ADGRL2: variants seen among roughly 807,000 people sequenced by gnomAD.
The protein encoded by ADGRL2 is calcium-independent alpha-latrotoxin receptor 2.
In ADGRL2, 44 loss-of-function variants were observed where a neutral mutation model predicts 157.4. The observed-to-expected ratio is 0.28, with a 90% CI of 0.22 to 0.36. The LOEUF (loss-of-function observed/expected upper bound fraction) is 0.36. Among genes scored for constraint, ADGRL2 ranks in the 10% least tolerant of loss-of-function variants. The pLI, the probability that ADGRL2 is intolerant of heterozygous loss-of-function variation, is 1.00. For missense variants in ADGRL2, 1,510 were observed against 1,768.9 expected, an observed-to-expected ratio of 0.85 and a Z score of 2.63; for synonymous variants, 585 against 624.7, an observed-to-expected ratio of 0.94 and a Z score of 0.95.
At chr1:81,447,138 G>A (rs370201646) in intron 2 of ADGRL2, among the ~76,000 whole-genome samples, 17 of 151,960 alleles carry the variant, frequency 1.1e-4, no homozygotes, top group South Asian at 8.3e-4. Flanking sequence ...ATTGTGAAGC[G>A]CATATATTAA....
At chr1:81,990,240 T>C in intron 23 of ADGRL2, 151 bp from the exon 24 acceptor site, 1 of 1,484,380 alleles carries the variant, frequency 6.7e-7, no homozygotes, top group Non-Finnish European at 8.9e-7. Flanking sequence ...TATTTACAGT[T>C]GGGAATGCAG....
intron 2 of ADGRL2, among the ~76,000 whole-genome samples, chr1:81,521,810 T>C (rs1010733195): frequency 6.6e-6 from 1 of 152,186 alleles, no homozygotes; most frequent in African/African-American, 2.4e-5. Context: ...TCTTCTTTTC[T>C]TTTGGTTGAG....
At chr1:81,949,036 A>C (rs1209466860) in intron 6 of ADGRL2, among the ~76,000 whole-genome samples, 1 of 152,198 alleles carries the variant, frequency 6.6e-6, no homozygotes, top group East Asian at 1.9e-4. Flanking sequence ...AATAAATTCT[A>C]ATATTCTAGC....
chr1:81,796,906 G>A (rs377019323), upstream of ADGRL2, among the ~76,000 whole-genome samples: 12 of 152,294 alleles, frequency 7.9e-5, no homozygotes, highest in African/African-American at 2.6e-4. Flanking sequence ...AGCCTATAGA[G>A]CAGGGAGAAT....
intron 2 of ADGRL2, among the ~76,000 whole-genome samples, chr1:81,457,058 G>A (rs1288168535): frequency 6.6e-6 from 1 of 152,086 alleles, no homozygotes; most frequent in Non-Finnish European, 1.5e-5. Flanking sequence ...ATACCTGAAG[G>A]CATCCCCCAA....
intron 3 of ADGRL2, among the ~76,000 whole-genome samples, chr1:81,596,987 A>C (rs563657367): frequency 6.6e-6 from 1 of 152,316 alleles, no homozygotes; most frequent in Non-Finnish European, 1.5e-5. Context: ...TAACATGATT[A>C]AATTTTTAAA....
intron 2 of ADGRL2, among the ~76,000 whole-genome samples, chr1:81,575,876 T>G (rs1339898074): frequency 1.3e-5 from 2 of 152,044 alleles, no homozygotes; most frequent in African/African-American, 4.8e-5. Context: ...GTAAGGAAAA[T>G]TCCAAATTTA....
intron 2 of ADGRL2, among the ~76,000 whole-genome samples, chr1:81,494,421 T>C (rs948932972): frequency 6.6e-6 from 1 of 152,178 alleles, no homozygotes; most frequent in African/African-American, 2.4e-5. Context: ...CAAATGCCCA[T>C]GCTAAAGCAA....
chr1:81,845,024 A>T (rs1334035508), intron 2 of ADGRL2, among the ~76,000 whole-genome samples: 1 of 152,136 alleles, frequency 6.6e-6, no homozygotes, highest in East Asian at 1.9e-4. Context: ...GCGGCAGCAC[A>T]TTTCTTTTCT....
chr1:81,349,880 A>G (rs1257312840), intron 1 of ADGRL2, among the ~76,000 whole-genome samples: 3 of 151,612 alleles, frequency 2.0e-5, no homozygotes, highest in Non-Finnish European at 4.4e-5. Flanking sequence ...AAACAACAAC[A>G]AAAAAATACA....
upstream of ADGRL2, among the ~76,000 whole-genome samples, chr1:81,696,951 T>A (rs2083458958): frequency 1.3e-5 from 2 of 152,148 alleles, no homozygotes; most frequent in Admixed American, 1.3e-4. Flanking sequence ...AGAATCAGCA[T>A]GGGGTCGCTA....
chr1:81,758,771 C>G (rs576433835), intron 1 of ADGRL2, among the ~76,000 whole-genome samples: 20 of 152,290 alleles, frequency 1.3e-4, no homozygotes, highest in African/African-American at 4.8e-4. Flanking sequence ...ATTGTTTAAG[C>G]TATTCTAATT....
intron 2 of ADGRL2, among the ~76,000 whole-genome samples, chr1:81,790,715 GA>G (rs1209367435): frequency 2.6e-5 from 4 of 152,156 alleles, no homozygotes; most frequent in Non-Finnish European, 5.9e-5. Context: ...GCTAGACACT[GA>G]AAAGGTCACT....
intron 1 of ADGRL2, among the ~76,000 whole-genome samples, chr1:81,809,518 G>A (rs1263114582): frequency 6.6e-6 from 1 of 151,886 alleles, no homozygotes; most frequent in Non-Finnish European, 1.5e-5. Context: ...ATCAATTCAA[G>A]CACATGTTAA....
At position 81,959,184 on chromosome 1, in the gene ADGRL2, A is replaced by T. The variant is rs144300047; in HGVS notation, c.2017+3124A>T. Among the ~76,000 whole-genome samples the T allele has an allele frequency of 5.7e-3, 874 of 152,164 alleles. 5 individuals are homozygous for T. Among genetic ancestry groups the T allele is most frequent in the African/African-American group, 0.02 (828 of 41,530 alleles). ...TCACCAATATTTAGGATTGGCAGTCATTTTATTTTTAGTGGTTCTTGGAGG... is the reference window on the plus strand; with the variant it reads ...TCACCAATATTTAGGATTGGCAGTCTTTTTATTTTTAGTGGTTCTTGGAGG... On this transcript the variant is annotated intron_variant, in intron 11 of 23. Coordinates refer to ENST00000686636, the MANE Select transcript of ADGRL2 (RefSeq NM_001366006.2).
At chr1:81,747,819 A>AT (rs1050400485) in intron 1 of ADGRL2, among the ~76,000 whole-genome samples, 2 of 151,326 alleles carry the variant, frequency 1.3e-5, no homozygotes, top group African/African-American at 4.9e-5. Flanking sequence ...TTTTTATTGG[A>AT]TTTTTTCATT....
At chr1:81,338,011 T>C (rs1352140184) in intron 1 of ADGRL2, among the ~76,000 whole-genome samples, 3 of 152,202 alleles carry the variant, frequency 2.0e-5, no homozygotes, top group African/African-American at 7.2e-5. Flanking sequence ...ATATATTTGT[T>C]TTATACAATT....
intron 2 of ADGRL2, among the ~76,000 whole-genome samples, chr1:81,896,358 G>T (rs1238342369): frequency 2.0e-5 from 3 of 152,114 alleles, no homozygotes; most frequent in African/African-American, 7.2e-5. Context: ...TGTGAGGGTG[G>T]GAGGGGGACG....
chr1:81,757,161 T>C (rs575067411), intron 1 of ADGRL2, among the ~76,000 whole-genome samples: 24 of 152,228 alleles, frequency 1.6e-4, no homozygotes, highest in South Asian at 2.1e-4. Context: ...TTCATGACCA[T>C]TTGCTAGCAA....
Sources: allele counts gnomAD v4.1 joint callset (sites outside exome capture counted in the v4.1 genomes callset), GRCh38; gene constraint gnomAD v4.1.1; transcripts MANE v1.5; gene names NCBI Gene and HGNC (gene_info 2026-07-23, HGNC 2026-07-21).